The following ITPR3 variants were observed in gnomAD, a reference collection of about 807,000 sequenced individuals.
The protein encoded by ITPR3 is inositol 1,4,5-trisphosphate-gated calcium channel ITPR3.
A neutral mutation model predicts 293.2 loss-of-function variants in ITPR3; 173 were observed. The observed-to-expected ratio is 0.59, with a 90% CI of 0.52 to 0.67. ITPR3 has a LOEUF of 0.67. Ranked by LOEUF, ITPR3 falls within the 30% of genes least tolerant of loss-of-function variation. The pLI is 0.00. For synonymous variants in ITPR3, 1,295 were observed against 1,444.4 expected (o/e 0.90, Z 2.35); for missense variants, 2,796 against 3,592.1 (o/e 0.78, Z 5.66).
Position 33,621,564 on chromosome 6 carries a change from A to T in ITPR3, c.-39A>T. ...GCACTGAGCTTGGCCACGCGCCCCT[A>T]GGCGCCCCCCACGCCCTGGGCCCCG... On this transcript the variant is annotated 5_prime_UTR_variant, in exon 1 of 58. Transcript: ENST00000605930. This position sits in a 1 kb window ranked among gnomAD's most constrained non-coding sequence, Gnocchi z 7.7. 2.0e-6 allele frequency: 3 copies of T among 1,496,998 alleles called. No individual in the cohort carries two copies. Among genetic ancestry groups the T allele is most frequent in the Non-Finnish European group, 1.8e-6 (2 of 1,093,828 alleles). 92.7% of individuals were successfully genotyped at this position (1,496,998 alleles called of 1,614,324 possible). A position where few individuals can be genotyped will look rare whatever the true frequency, so the allele number is the denominator to read the frequency against.
rs999276701 is a variant in ITPR3 at position 33,675,769 on chromosome 6, C to G, written c.3195C>G (p.His1065Gln). The G allele has an allele frequency of 1.2e-6, 2 of 1,612,856 alleles. No individual in the cohort carries two copies. The highest frequency in any genetic ancestry group is 1.7e-6 in the Non-Finnish European group (2 of 1,179,720). ...FLRVLIHLTM[H>Q]DYAPLVSGAL... is the part of the protein sequence containing the mutation. ...GCGTGCTCATCCACCTCACCATGCA[C>G]GACTATGCGCCGCTGGTCTCGGGTG... The change falls in exon 25 of 58, where the codon CAC becomes CAG. Residue 1065 changes from histidine to glutamine, a missense_variant. By Grantham distance (24) the His-to-Gln change is conservative (BLOSUM62 0). Coordinates refer to ENST00000605930, the MANE Select transcript of ITPR3 (RefSeq NM_002224.4). This position sits in a 1 kb window ranked among gnomAD's most constrained non-coding sequence, Gnocchi z 5.0.
chr6:33,626,908 C>G (rs1027189872), intron 1 of ITPR3, among the ~76,000 whole-genome samples: 2 of 152,200 alleles, frequency 1.3e-5, no homozygotes. Context: ...CAGGTTCAAG[C>G]GATTCTCCTG....
At chr6:33,674,293 G>C (rs752353021) in intron 24 of ITPR3, 28 bp downstream of exon 24, 1 of 1,611,746 alleles carries the variant, frequency 6.2e-7, no homozygotes, top group South Asian at 1.1e-5. Context: ...CTGCAGGGGT[G>C]TGTGGGGTTG....
intron 2 of ITPR3, among the ~76,000 whole-genome samples, chr6:33,647,491 A>C (rs996439737): frequency 2.0e-5 from 3 of 152,188 alleles, no homozygotes; most frequent in Non-Finnish European, 4.4e-5. Context: ...ACTGAAACTC[A>C]GTACCCATTA....
chr6:33,662,787 C>A, intron 8 of ITPR3, 113 bp downstream of exon 8: 1 of 1,498,648 alleles, frequency 6.7e-7, no homozygotes. Flanking sequence ...CTGAGTCCCT[C>A]CAGAGTCAAA....
Position 33,658,662 on chromosome 6 carries a change from A to G in ITPR3, c.370-8A>G, listed in dbSNP as rs1320356187. 1 of 1,613,284 alleles carries G rather than the reference A, an allele frequency of 6.2e-7. No homozygotes were observed. The highest frequency in any genetic ancestry group is 8.5e-7 in the Non-Finnish European group (1 of 1,179,606). On this transcript the variant is annotated splice_polypyrimidine_tract_variant and splice_region_variant and intron_variant, in intron 4 of 57. Transcript: ENST00000605930. This position sits in a 1 kb window ranked among gnomAD's most constrained non-coding sequence, Gnocchi z 6.1. ...CGGTGACCTTCCCGCACCCCACCTG[A>G]CCCCCAGCTCCTGCACATGAAGAGC...
At position 33,675,943 on chromosome 6, in the gene ITPR3, C is replaced by T. The variant is rs756407150; in HGVS notation, c.3282+87C>T. The T allele has an allele frequency of 1.4e-6, 2 of 1,405,526 alleles. No individual in the cohort carries two copies. Among genetic ancestry groups the T allele is most frequent in the Non-Finnish European group, 1.9e-6 (2 of 1,061,228 alleles). The allele number at this position is 1,405,526 out of a possible 1,614,324, so 87.1% of individuals were successfully genotyped here. ...TAAACGATGATTGAGGAGCTCACAG[C>T]TCAAGGGGTAACTTGGGATGCCCAT... On this transcript the variant is annotated intron_variant, in intron 25 of 57. Transcript: ENST00000605930. The surrounding 1 kb of genome is among the most constrained non-coding windows in gnomAD (Gnocchi z 5.0).
chr6:33,687,482 C>T lies in ITPR3; in HGVS notation c.6182C>T (p.Ser2061Phe). ...CTGTGCTGCCATTTCCCTCAGCTCTCCAGGCACAATAAACAGCTGCAGCAC... is the reference window on the plus strand; with the variant it reads ...CTGTGCTGCCATTTCCCTCAGCTCTTCAGGCACAATAAACAGCTGCAGCAC... ...HNIYILALQL[S>F]RHNKQLQHLL... The change falls in exon 46 of 58, where the codon TCC becomes TTC. Residue 2061 changes from serine to phenylalanine, a missense_variant. Coordinates refer to ENST00000605930, the MANE Select transcript of ITPR3 (RefSeq NM_002224.4). This position sits in a 1 kb window ranked among gnomAD's most constrained non-coding sequence, Gnocchi z 5.3. The T allele has an allele frequency of 1.2e-6, 2 of 1,611,138 alleles. No individual in the cohort carries two copies. Among genetic ancestry groups the T allele is most frequent in the Non-Finnish European group, 1.7e-6 (2 of 1,179,368 alleles).
chr6:33,680,291 GC>G, intron 31 of ITPR3, 37 bp from the exon 32 acceptor site: 1 of 1,595,306 alleles, frequency 6.3e-7, no homozygotes, highest in Non-Finnish European at 8.5e-7. Flanking sequence ...TGGCCAGGCG[GC>G]CCTGCTTGCG....
At chr6:33,665,748 C>A in intron 13 of ITPR3, 87 bp from the exon 14 acceptor site, 5 of 1,475,920 alleles carry the variant, frequency 3.4e-6, no homozygotes, top group Non-Finnish European at 4.7e-6. Context: ...CTCATGAAAG[C>A]CATGTTTTGG....
At chr6:33,656,440 C>T (rs889857507) in intron 3 of ITPR3, among the ~76,000 whole-genome samples, 10 of 152,194 alleles carry the variant, frequency 6.6e-5, no homozygotes, top group Admixed American at 5.9e-4. Flanking sequence ...TTTGGGAGCC[C>T]TGGATCTAGT....
rs1582122344 is a variant in ITPR3 at position 33,655,124 on chromosome 6, G to T, written c.161-642G>T. Among the ~76,000 whole-genome samples, 2 of 152,348 alleles carry T rather than the reference G, an allele frequency of 1.3e-5. No homozygotes were observed. Among genetic ancestry groups the T allele is most frequent in the African/African-American group, 4.8e-5 (2 of 41,586 alleles). On this transcript the variant is annotated intron_variant, in intron 2 of 57. Coordinates refer to ENST00000605930, the MANE Select transcript of ITPR3 (RefSeq NM_002224.4). This position sits in a 1 kb window ranked among gnomAD's most constrained non-coding sequence, Gnocchi z 4.9. ...CAGAGCCTAAGATGGGTGAATTCTT[G>T]AGGAAGTTCTCAGGAGAACACAGTG... is the stretch of plus-strand genomic sequence containing the variant.
At chr6:33,676,048 T>A (rs1764898895) in intron 25 of ITPR3, among the ~76,000 whole-genome samples, 192 bp downstream of exon 25, 1 of 152,256 alleles carries the variant, frequency 6.6e-6, no homozygotes, top group Admixed American at 6.5e-5. Flanking sequence ...TTTCTTATGA[T>A]GTGGACAGCA....
chr6:33,686,663 T>C, intron 43 of ITPR3, 144 bp downstream of exon 43: 1 of 697,334 alleles, frequency 1.4e-6, no homozygotes, highest in Non-Finnish European at 2.6e-6. Flanking sequence ...GATGCACAAG[T>C]GTGTGGTGTG....
At chr6:33,642,488 G>A (rs888667861) in intron 2 of ITPR3, among the ~76,000 whole-genome samples, 8 of 152,152 alleles carry the variant, frequency 5.3e-5, no homozygotes, top group African/African-American at 1.9e-4. Context: ...GTGTGTCGAG[G>A]TGTGTGTGGG....
intron 10 of ITPR3, 36 bp downstream of exon 10, chr6:33,663,586 G>A (rs571527692): frequency 1.2e-6 from 2 of 1,601,596 alleles, no homozygotes; most frequent in African/African-American, 1.3e-5. Flanking sequence ...GAGACCATGG[G>A]CCTGCCCTGG....
At chr6:33,659,248 C>A in intron 6 of ITPR3, 129 bp downstream of exon 6, 2 of 943,902 alleles carry the variant, frequency 2.1e-6, no homozygotes, top group South Asian at 1.5e-5. Flanking sequence ...CTGGGCCTCA[C>A]GGCTTCTGCA....
rs199773526 is a variant in ITPR3 at position 33,670,487 on chromosome 6, G to A, written c.2352G>A (p.Val784=). Residue 784 remains valine, a synonymous_variant, in exon 19 of 58, where the codon GTG becomes GTA. Transcript: ENST00000605930. This position sits in a 1 kb window ranked among gnomAD's most constrained non-coding sequence, Gnocchi z 6.7. ...RASFCHLMLH[V]HVDRDPQELV... ...CCTTCTGCCACCTGATGCTGCACGT[G>A]CACGTGGACCGTGACCCCCAGGAGC... 5 of 1,613,946 alleles carry A rather than the reference G, an allele frequency of 3.1e-6. No homozygotes were observed.
In ITPR3 at chr6:33,670,524, G is replaced by A. The variant is rs142010275; in HGVS notation, c.2389G>A (p.Val797Ile). Reference sequence around the variant, plus strand: ...TGACCCCCAGGAGCTGGTCACGCCGGTCAAGTTTGCCCGTCTCTGGACTGA... The same window carrying A: ...TGACCCCCAGGAGCTGGTCACGCCGATCAAGTTTGCCCGTCTCTGGACTGA... ...DRDPQELVTP[V>I]KFARLWTEIP... The change falls in exon 19 of 58, where the codon GTC (valine) becomes ATC (isoleucine). Residue 797 changes from valine (V) to isoleucine (I), a missense_variant. By Grantham distance (29) the Val-to-Ile change is conservative (BLOSUM62 3). Transcript: ENST00000605930. The surrounding 1 kb of genome is among the most constrained non-coding windows in gnomAD (Gnocchi z 6.7). 2 of 1,613,238 alleles carry A rather than the reference G, an allele frequency of 1.2e-6. No individual in the cohort carries two copies. Among genetic ancestry groups the A allele is most frequent in the Non-Finnish European group, 1.7e-6 (2 of 1,179,834 alleles).
Sources: allele counts gnomAD v4.1 joint callset (sites outside exome capture counted in the v4.1 genomes callset), GRCh38; gene constraint gnomAD v4.1.1; non-coding constraint Gnocchi (gnomAD v3.1); transcripts MANE v1.5; gene names NCBI Gene and HGNC (gene_info 2026-07-23, HGNC 2026-07-21).